ZBTB7C: variants seen among roughly 807,000 people sequenced by gnomAD.
ZBTB7C encodes zinc finger and BTB domain containing 7C, also known as zinc finger and BTB domain-containing protein 7C.
ZBTB7C carries 8 observed loss-of-function variants against 25.7 expected under a neutral mutation model. That is an observed-to-expected ratio of 0.31 (90% CI 0.18 to 0.56). The LOEUF is 0.56. Among genes scored for constraint, ZBTB7C ranks in the 20% least tolerant of loss-of-function variants. The pLI is 0.91. For synonymous variants in ZBTB7C, 394 were observed against 369.0 expected (o/e 1.07, Z -0.78); for missense variants, 824 against 855.2 (o/e 0.96, Z 0.46).
At chr18:48,281,446 C>T (rs1207506615) in intron 2 of ZBTB7C, among the ~76,000 whole-genome samples, 1 of 152,074 alleles carries the variant, frequency 6.6e-6, no homozygotes, top group African/African-American at 2.4e-5. Flanking sequence ...CAACAAAAGC[C>T]AAAATTGACA....
At chr18:48,169,267 A>T (rs2041381484) in intron 3 of ZBTB7C, among the ~76,000 whole-genome samples, 1 of 152,164 alleles carries the variant, frequency 6.6e-6, no homozygotes, top group African/African-American at 2.4e-5. Flanking sequence ...CTCACCTCCC[A>T]GTCCCCTTGC....
At chr18:48,123,237 C>T (rs2039690159) in intron 3 of ZBTB7C, among the ~76,000 whole-genome samples, 1 of 152,190 alleles carries the variant, frequency 6.6e-6, no homozygotes, top group Non-Finnish European at 1.5e-5. Flanking sequence ...ATACTTCCTC[C>T]CTCTAGGAAG....
At chr18:48,179,673 CTCCTTCCT>C (rs113058200) in intron 3 of ZBTB7C, among the ~76,000 whole-genome samples, 38,503 of 145,996 alleles carry the variant, frequency 0.26, 5,341 homozygotes, top group South Asian at 0.39. Context: ...ATATTTCTCT[CTCCTTCCT>C]TCCTTCCTTC....
chr18:48,043,940 G>C (rs989447410), intron 3 of ZBTB7C, among the ~76,000 whole-genome samples: 1 of 152,164 alleles, frequency 6.6e-6, no homozygotes, highest in African/African-American at 2.4e-5. Flanking sequence ...TTTACCCAGG[G>C]TGAACAGGGG....
intron 3 of ZBTB7C, among the ~76,000 whole-genome samples, chr18:48,101,327 A>C (rs1337704800): frequency 6.6e-6 from 1 of 152,266 alleles, no homozygotes; most frequent in East Asian, 1.9e-4. Context: ...AGCCACACGC[A>C]TAATTGTAAA....
intron 3 of ZBTB7C, among the ~76,000 whole-genome samples, chr18:48,075,193 A>G (rs145949683): frequency 5.1e-4 from 78 of 152,326 alleles, no homozygotes; most frequent in African/African-American, 1.5e-3. Flanking sequence ...TTTGAGCTTC[A>G]TCAATGTGCT....
intron 3 of ZBTB7C, among the ~76,000 whole-genome samples, chr18:48,041,739 C>CTT (rs140682071): frequency 2.0e-5 from 3 of 150,936 alleles, no homozygotes; most frequent in Non-Finnish European, 1.5e-5. Context: ...AATCTTGATC[C>CTT]TTTTTTTAAA....
chr18:48,298,803 G>T lies in ZBTB7C; in HGVS notation c.-79+39371C>A, dbSNP rs114168017. ...TGTAACCTAGTTCGCAGTCTCCTCT[G>T]GGCTCTGCAGATCCATCCTGGAGCA... On this transcript the variant is annotated intron_variant, in intron 2 of 4. Transcript: ENST00000590800. Among the ~76,000 whole-genome samples, 344 of 152,230 alleles carry T rather than the reference G, an allele frequency of 2.3e-3. 3 individuals are homozygous for T. Among genetic ancestry groups the T allele is most frequent in the African/African-American group, 8.0e-3 (334 of 41,524 alleles).
chr18:48,301,227 C>T (rs1005249252), intron 2 of ZBTB7C, among the ~76,000 whole-genome samples: 1 of 152,184 alleles, frequency 6.6e-6, no homozygotes, highest in African/African-American at 2.4e-5. Flanking sequence ...GTCTGTAATC[C>T]CAGCGCTTTG....
intron 3 of ZBTB7C, among the ~76,000 whole-genome samples, chr18:48,054,076 C>A (rs987567341): frequency 2.6e-5 from 4 of 152,178 alleles, no homozygotes; most frequent in Non-Finnish European, 5.9e-5. Context: ...TAGAGACAGG[C>A]TAGTCTGGGA....
chr18:48,327,404 C>T (rs1025394809), intron 2 of ZBTB7C, among the ~76,000 whole-genome samples: 13 of 152,198 alleles, frequency 8.5e-5, no homozygotes, highest in African/African-American at 3.1e-4. Context: ...CATTTTAAGG[C>T]CATGTGGTAT....
chr18:48,231,044 A>T (rs2043238194), intron 2 of ZBTB7C, among the ~76,000 whole-genome samples: 1 of 152,164 alleles, frequency 6.6e-6, no homozygotes, highest in Non-Finnish European at 1.5e-5. Flanking sequence ...GGGAGTCTGA[A>T]GGGGTGCTAA....
chr18:48,193,855 G>A (rs1306219531), intron 2 of ZBTB7C, among the ~76,000 whole-genome samples: 1 of 152,242 alleles, frequency 6.6e-6, no homozygotes, highest in Non-Finnish European at 1.5e-5. Flanking sequence ...GGGAAGCCCA[G>A]CAAGCATTTA....
chr18:48,188,318 C>A (rs2042113457), intron 2 of ZBTB7C, among the ~76,000 whole-genome samples: 1 of 152,176 alleles, frequency 6.6e-6, no homozygotes, highest in East Asian at 1.9e-4. Flanking sequence ...AACTTAAAAT[C>A]ATGGTGGAGG....
chr18:48,313,207 G>C lies in ZBTB7C; in HGVS notation c.-79+24967C>G, dbSNP rs1187791430. Reference sequence around the variant, plus strand: ...GCTAGGATTTCTGCTTTCCAGGCCAGTTGTGGCTGTCATGCTCAGCTCCAG... The same window carrying C: ...GCTAGGATTTCTGCTTTCCAGGCCACTTGTGGCTGTCATGCTCAGCTCCAG... On this transcript the variant is annotated intron_variant, in intron 2 of 4. Transcript: ENST00000590800. 2.0e-5 allele frequency among the ~76,000 whole-genome samples: 3 copies of C among 152,226 alleles called. No individual in the cohort carries two copies. The East Asian group carries it at 5.8e-4, about 29-fold the overall frequency.
chr18:48,054,476 T>A (rs1056506294), intron 3 of ZBTB7C, among the ~76,000 whole-genome samples: 1 of 152,002 alleles, frequency 6.6e-6, no homozygotes, highest in Non-Finnish European at 1.5e-5. Context: ...AGGTGTAAGA[T>A]GTCCTGGTTA....
intron 1 of ZBTB7C, among the ~76,000 whole-genome samples, chr18:48,403,698 A>T (rs1178443284): frequency 6.6e-6 from 1 of 152,226 alleles, no homozygotes; most frequent in African/African-American, 2.4e-5. Context: ...GATTATATCC[A>T]ATAAAAGACT....
At chr18:48,286,437 C>T (rs1210770064) in intron 2 of ZBTB7C, among the ~76,000 whole-genome samples, 1 of 152,026 alleles carries the variant, frequency 6.6e-6, no homozygotes, top group Non-Finnish European at 1.5e-5. Flanking sequence ...AGAGACAGCA[C>T]CACTCATAAG....
intron 2 of ZBTB7C, among the ~76,000 whole-genome samples, chr18:48,277,864 C>T (rs917073867): frequency 2.6e-5 from 4 of 151,702 alleles, no homozygotes; most frequent in African/African-American, 4.9e-5. Context: ...CGACCCCCTT[C>T]CTTTGCGCCA....
Sources: allele counts gnomAD v4.1 joint callset (sites outside exome capture counted in the v4.1 genomes callset), GRCh38; gene constraint gnomAD v4.1.1; transcripts MANE v1.5; gene names NCBI Gene and HGNC (gene_info 2026-07-23, HGNC 2026-07-21).